The following ROBO2 variants were observed in gnomAD, a reference collection of about 807,000 sequenced individuals.
The protein encoded by ROBO2 is roundabout homolog 2.
A neutral mutation model predicts 160.8 loss-of-function variants in ROBO2; 53 were observed. The observed-to-expected ratio is 0.33, with a 90% CI of 0.26 to 0.41. The LOEUF is 0.41. ROBO2 is among the 10% of genes least tolerant of loss of function. The pLI, the probability that ROBO2 is intolerant of heterozygous loss-of-function variation, is 1.00. For missense variants in ROBO2, 1,577 were observed against 1,722.4 expected, an observed-to-expected ratio of 0.92 and a Z score of 1.49; for synonymous variants, 664 against 611.7, an observed-to-expected ratio of 1.09 and a Z score of -1.26.
intron 2 of ROBO2, among the ~76,000 whole-genome samples, chr3:77,364,483 T>G (rs574486250): frequency 6.6e-6 from 1 of 152,242 alleles, no homozygotes; most frequent in East Asian, 1.9e-4. Context: ...TGGAAAAATT[T>G]GGAAAACCCT....
chr3:77,605,475 G>A lies in ROBO2; in HGVS notation c.3137-2323G>A, dbSNP rs558054421. Among the ~76,000 whole-genome samples, 25 of 152,186 alleles carry A rather than the reference G, an allele frequency of 1.6e-4. 1 individual carries two copies. The East Asian group carries it at 2.5e-3, about 15-fold the overall frequency. ...GGTGTGTTGATTTGTAATCCTACAC[G>A]TACTGCCCATAATGAGAGAGCAGAA... On this transcript the variant is annotated intron_variant, in intron 20 of 25. Coordinates refer to ENST00000461745, the Ensembl canonical transcript of ROBO2.
intron 2 of ROBO2, among the ~76,000 whole-genome samples, chr3:76,674,623 C>CACACACACACACAT (rs2092360324): frequency 6.6e-6 from 1 of 151,910 alleles, no homozygotes; most frequent in Non-Finnish European, 1.5e-5. Flanking sequence ...CACACACACA[C>CACACACACACACAT]ACACACAGAA....
At chr3:76,374,911 A>G (rs188541488) in intron 2 of ROBO2, among the ~76,000 whole-genome samples, 1 of 151,332 alleles carries the variant, frequency 6.6e-6, no homozygotes, top group Admixed American at 6.6e-5. Flanking sequence ...GCATTCTTTT[A>G]TCAGTGTGAC....
intron 5 of ROBO2, among the ~76,000 whole-genome samples, chr3:77,513,924 C>T (rs1361696010): frequency 1.3e-5 from 2 of 151,716 alleles, no homozygotes; most frequent in East Asian, 3.9e-4. Flanking sequence ...CACGATTGTA[C>T]AACTCTCATT....
At chr3:77,598,022 G>A (rs999914177) in intron 19 of ROBO2, among the ~76,000 whole-genome samples, 2 of 152,056 alleles carry the variant, frequency 1.3e-5, no homozygotes, top group African/African-American at 4.8e-5. Flanking sequence ...ATGGAGTAAC[G>A]GTAGAAAATT....
At chr3:76,378,939 A>G (rs1044544182) in intron 2 of ROBO2, among the ~76,000 whole-genome samples, 5 of 152,184 alleles carry the variant, frequency 3.3e-5, no homozygotes, top group Non-Finnish European at 7.3e-5. Context: ...CCTCTTTGCT[A>G]TGCACAGCTG....
At chr3:77,148,498 T>C (rs1372299622) in intron 2 of ROBO2, among the ~76,000 whole-genome samples, 1 of 152,226 alleles carries the variant, frequency 6.6e-6, no homozygotes, top group East Asian at 1.9e-4. Flanking sequence ...GTATTTCTCA[T>C]ATAAAGTTAA....
At chr3:76,666,076 A>G (rs1456088512) in intron 2 of ROBO2, among the ~76,000 whole-genome samples, 1 of 146,600 alleles carries the variant, frequency 6.8e-6, no homozygotes, top group Non-Finnish European at 1.5e-5. Flanking sequence ...TTCTCCACAT[A>G]AGCAAACTCT....
At chr3:76,932,423 A>AACACAC (rs71104640) in intron 2 of ROBO2, among the ~76,000 whole-genome samples, 37,479 of 150,550 alleles carry the variant, frequency 0.25, 4,678 homozygotes, top group South Asian at 0.3. Flanking sequence ...TATGTTTAGA[A>AACACAC]ACACACACAC....
chr3:76,983,443 A>G (rs1187648375), intron 2 of ROBO2, among the ~76,000 whole-genome samples: 1 of 152,234 alleles, frequency 6.6e-6, no homozygotes, highest in Non-Finnish European at 1.5e-5. Context: ...TCTAAACTAA[A>G]TAAAGGAATA....
At chr3:77,183,856 GT>G (rs1252091079) in intron 2 of ROBO2, among the ~76,000 whole-genome samples, 1 of 151,962 alleles carries the variant, frequency 6.6e-6, no homozygotes, top group Non-Finnish European at 1.5e-5. Context: ...TTCTTTTCAT[GT>G]TTTCAAATGA....
rs2077424266 is a variant in ROBO2 at position 76,450,583 on chromosome 3, T to C, written c.109+512981T>C. Reference sequence around the variant, plus strand: ...CTCCAGCCTCATCCTCTTGAGTAGCTGGGATTACAGGCACATGCCACTGCA... The same window carrying C: ...CTCCAGCCTCATCCTCTTGAGTAGCCGGGATTACAGGCACATGCCACTGCA... On this transcript the variant is annotated intron_variant, in intron 2 of 26. Transcript: ENST00000487694. Among the ~76,000 whole-genome samples the C allele has an allele frequency of 2.0e-5, 3 of 152,160 alleles. No homozygotes were observed. The South Asian group carries it at 6.2e-4, about 31-fold the overall frequency.
At chr3:77,525,725 T>C (rs2091077318) in intron 6 of ROBO2, among the ~76,000 whole-genome samples, 1 of 151,004 alleles carries the variant, frequency 6.6e-6, no homozygotes, top group Admixed American at 6.6e-5. Flanking sequence ...AATTATTCTA[T>C]AATAAAATAA....
chr3:76,758,873 G>T (rs1453615627), intron 2 of ROBO2, among the ~76,000 whole-genome samples: 1 of 151,792 alleles, frequency 6.6e-6, no homozygotes, highest in East Asian at 1.9e-4. Context: ...AAAGAGAATG[G>T]TATGTGTATG....
At chr3:76,990,482 A>C (rs1357238611) in intron 2 of ROBO2, among the ~76,000 whole-genome samples, 2 of 152,194 alleles carry the variant, frequency 1.3e-5, no homozygotes, top group Non-Finnish European at 2.9e-5. Context: ...CTTGATATTC[A>C]GAATATAATT....
intron 6 of ROBO2, among the ~76,000 whole-genome samples, chr3:77,535,326 T>C (rs1298291761): frequency 6.6e-6 from 1 of 152,052 alleles, no homozygotes; most frequent in Non-Finnish European, 1.5e-5. Context: ...TTCTGGCAAG[T>C]TGACAGGTTA....
chr3:77,019,086 T>C (rs72902094), intron 2 of ROBO2, among the ~76,000 whole-genome samples: 114 of 152,326 alleles, frequency 7.5e-4, no homozygotes, highest in African/African-American at 2.6e-3. Context: ...TTCGGGAACC[T>C]CAAAGAGGTT....
intron 2 of ROBO2, among the ~76,000 whole-genome samples, chr3:76,696,180 A>G (rs1369342320): frequency 2.0e-5 from 3 of 152,160 alleles, no homozygotes; most frequent in Admixed American, 6.5e-5. Context: ...TAGCCTCCGC[A>G]GAATTGTAAT....
intron 2 of ROBO2, among the ~76,000 whole-genome samples, chr3:76,410,411 G>T (rs1317005437): frequency 6.6e-6 from 1 of 152,062 alleles, no homozygotes; most frequent in Non-Finnish European, 1.5e-5. Flanking sequence ...CCTCATAGAT[G>T]AAATGGATAA....
Sources: allele counts gnomAD v4.1 joint callset (sites outside exome capture counted in the v4.1 genomes callset), GRCh38; gene constraint gnomAD v4.1.1; transcripts MANE v1.5; gene names NCBI Gene and HGNC (gene_info 2026-07-23, HGNC 2026-07-21).